Variants in IDUA observed in about 807,000 individuals in gnomAD.
IDUA encodes alpha-L-iduronidase, also known as iduronidase alpha-L-.
IDUA carries 65 observed loss-of-function variants against 68.9 expected under a neutral mutation model. The observed-to-expected ratio is 0.94, with a 90% CI of 0.77 to 1.16. The LOEUF is 1.16. IDUA is among the 50% of genes most tolerant of loss of function. IDUA has a pLI of 0.00. For missense variants in IDUA, 1,046 were observed against 938.0 expected (o/e 1.12, Z -1.50); for synonymous variants, 529 against 433.6 (o/e 1.22, Z -2.73).
chr4:990,906 C>A lies in IDUA; in HGVS notation c.299+2957C>A, dbSNP rs1577518379. The A allele has an allele frequency of 5.8e-5, 31 of 538,240 alleles. No individual in the cohort carries two copies. The East Asian group carries it at 9.5e-4, about 16-fold the overall frequency. 33.3% of individuals were successfully genotyped at this position (538,240 alleles called of 1,614,324 possible). On this transcript the variant is annotated intron_variant, in intron 2 of 13. Coordinates refer to ENST00000514224, the MANE Select transcript of IDUA (RefSeq NM_000203.5). The stretch of plus-strand genomic sequence containing the variant: ...CCCACCAAGGCCATGGCCCACCGGA[C>A]TGGCTCCCCGTGCCCCTCCCCTCCT...
intron 2 of IDUA, 124 bp from the exon 3 acceptor site, chr4:1,000,488 C>T: frequency 1.3e-6 from 1 of 776,410 alleles, no homozygotes; most frequent in South Asian, 1.4e-5. Flanking sequence ...CCTCGGGAAG[C>T]CGGGATCGGA....
chr4:997,076 A>T (rs1408111478), intron 2 of IDUA, among the ~76,000 whole-genome samples: 1 of 152,132 alleles, frequency 6.6e-6, no homozygotes, highest in Non-Finnish European at 1.5e-5. Flanking sequence ...TTACTGGGAA[A>T]GGAGACCTTG....
At chr4:994,034 C>T (rs1433678495) in intron 2 of IDUA, among the ~76,000 whole-genome samples, 1 of 152,238 alleles carries the variant, frequency 6.6e-6, no homozygotes, top group African/African-American at 2.4e-5. Context: ...TCCCCTCTAC[C>T]ACAGACCAGG....
chr4:1,002,062 G>T lies in IDUA; in HGVS notation c.873G>T (p.Ala291=). Residue 291 remains alanine (A), a synonymous_variant, in exon 7 of 14, where the codon GCG becomes GCT. Transcript: ENST00000514224. ...QQIRQLFPKF[A]DTPIYNDEAD... ...TCCGGCAGCTCTTCCCCAAGTTCGCGGACACCCCCATTTACAACGACGAGG... is the reference window on the plus strand; with the variant it reads ...TCCGGCAGCTCTTCCCCAAGTTCGCTGACACCCCCATTTACAACGACGAGG... The T allele has an allele frequency of 6.3e-7, 1 of 1,594,928 alleles. No individual in the cohort carries two copies. Among genetic ancestry groups the T allele is most frequent in the Non-Finnish European group, 8.5e-7 (1 of 1,172,458 alleles).
chr4:1,001,099 G>T lies in IDUA; in HGVS notation c.493+110G>T, dbSNP rs574003574. 3.3e-5 allele frequency: 26 copies of T among 795,260 alleles called. No individual in the cohort carries two copies. The African/African-American group carries it at 3.7e-4, about 11-fold the overall frequency. 49.3% of individuals were successfully genotyped at this position (795,260 alleles called of 1,614,324 possible). ...GGTCAGGAGATACATTGGTGGGCAG[G>T]CGCAGGCCCTTGTGGGGGGATGGGG... is the stretch of plus-strand genomic sequence containing the variant. On this transcript the variant is annotated intron_variant, in intron 4 of 13. Transcript: ENST00000514224.
Position 1,001,698 on chromosome 4 carries a change from T to G in IDUA, c.609T>G (p.Asp203Glu). Reference sequence around the variant, plus strand: ...GCCCAGGCTTCCTGAACTACTACGATGCCTGCTCGGAGGGTCTGCGCGCCG... The same window carrying G: ...GCCCAGGCTTCCTGAACTACTACGAGGCCTGCTCGGAGGGTCTGCGCGCCG... ...MTMQGFLNYYDACSEGLRAAS... is the reference protein window; with the variant it reads ...MTMQGFLNYYEACSEGLRAAS... Residue 203 changes from aspartate to glutamate, a missense_variant, in exon 6 of 14, where the codon GAT becomes GAG. Coordinates refer to ENST00000514224, the MANE Select transcript of IDUA (RefSeq NM_000203.5). The G allele has an allele frequency of 1.2e-6, 2 of 1,600,468 alleles. No homozygotes were observed. Among genetic ancestry groups the G allele is most frequent in the Non-Finnish European group, 1.7e-6 (2 of 1,178,962 alleles).
chr4:998,228 G>C (rs548133495), intron 2 of IDUA, among the ~76,000 whole-genome samples: 3 of 152,274 alleles, frequency 2.0e-5, no homozygotes, highest in Admixed American at 2.0e-4. Flanking sequence ...CAGCAGAGGC[G>C]GGGCGGAGCA....
In IDUA at chr4:1,001,007, C is replaced by T; in HGVS notation, c.493+18C>T. 6.4e-7 allele frequency: 1 copy of T among 1,574,430 alleles called. No homozygotes were observed. The highest frequency in any genetic ancestry group is 8.7e-7 in the Non-Finnish European group (1 of 1,144,884). On this transcript the variant is annotated intron_variant, in intron 4 of 13. Transcript: ENST00000514224. Reference sequence around the variant, plus strand: ...ATACATCGGTGGGCGAGCGCAGGCCCTGGGGCCCTGGCCGGGGCGGGGGTA... The same window carrying T: ...ATACATCGGTGGGCGAGCGCAGGCCTTGGGGCCCTGGCCGGGGCGGGGGTA...
chr4:988,732 C>T (rs550097899), intron 2 of IDUA: 366 of 1,431,938 alleles, frequency 2.6e-4, no homozygotes, highest in Non-Finnish European at 3.1e-4. Context: ...GAGTGCAGCT[C>T]TTGGGTGGCT....
intron 2 of IDUA, among the ~76,000 whole-genome samples, chr4:997,339 C>A (rs1714798530): frequency 6.7e-6 from 1 of 148,808 alleles, no homozygotes; most frequent in Admixed American, 6.7e-5. Flanking sequence ...GCCCCGCACT[C>A]CCACCCCCAC....
In IDUA at chr4:987,115, C is replaced by G. The variant is rs1423609884; in HGVS notation, c.31C>G (p.Leu11Val). Residue 11 changes from leucine (L) to valine (V), a missense_variant, in exon 1 of 14, where the codon CTG becomes GTG. Physicochemically the swap from Leu to Val is conservative, Grantham distance 32 (BLOSUM62 1). Coordinates refer to ENST00000514224, the MANE Select transcript of IDUA (RefSeq NM_000203.5). ...TCCCCTGCGCCCCCGCGCCGCGCTG[C>G]TGGCGCTCCTGGCCTCGCTCCTGGC... MRPLRPRAAL[L>V]ALLASLLAAP... 14 of 1,444,460 alleles carry G rather than the reference C, an allele frequency of 9.7e-6. No homozygotes were observed. The highest frequency in any genetic ancestry group is 1.2e-5 in the Non-Finnish European group (13 of 1,103,146). The allele number at this position is 1,444,460 out of a possible 1,614,324, so 89.5% of individuals were successfully genotyped here.
At chr4:992,016 G>A in intron 2 of IDUA, 1 of 628,772 alleles carries the variant, frequency 1.6e-6, no homozygotes, top group Non-Finnish European at 2.9e-6. Context: ...CGGCGTGGCG[G>A]CACCCTGTCC....
intron 2 of IDUA, chr4:991,723 T>C: frequency 6.5e-7 from 1 of 1,532,918 alleles, no homozygotes; most frequent in Non-Finnish European, 8.7e-7. Flanking sequence ...TCAGGTCCCG[T>C]GGCCGACCTG....
At chr4:990,939 C>T in intron 2 of IDUA, 3 of 604,122 alleles carry the variant, frequency 5.0e-6, no homozygotes, top group Non-Finnish European at 5.5e-6. Flanking sequence ...CCTGCATCCA[C>T]AGCCTCTCCG....
intron 2 of IDUA, among the ~76,000 whole-genome samples, chr4:996,735 C>T (rs1382926253): frequency 6.6e-6 from 1 of 152,194 alleles, no homozygotes; most frequent in Non-Finnish European, 1.5e-5. Flanking sequence ...GTCTCTGCCT[C>T]AGTTTCTCTG....
At chr4:1,001,138 G>T (rs1715047263) in intron 4 of IDUA, 149 bp downstream of exon 4, 2 of 673,746 alleles carry the variant, frequency 3.0e-6, no homozygotes, top group South Asian at 3.5e-5. Context: ...ACAAGGGATA[G>T]GTTGGTGGTC....
intron 3 of IDUA, 52 bp downstream of exon 3, chr4:1,000,749 C>A: frequency 1.3e-6 from 2 of 1,500,072 alleles, no homozygotes; most frequent in East Asian, 2.3e-5. Flanking sequence ...TTGCCCTGCC[C>A]ACCCTCTCCC....
chr4:1,000,612 G>T lies in IDUA; in HGVS notation c.300G>T (p.Arg100Ser), dbSNP rs1340970137. ...THWLLELVTT[R>S]GSTGRGLSYN... is the part of the protein sequence containing the mutation. ...CCTGACGCTGACCGTCCTTCTGCAGGGGGTCCACTGGACGGGGCCTGAGCT... is the reference window on the plus strand; with the variant it reads ...CCTGACGCTGACCGTCCTTCTGCAGTGGGTCCACTGGACGGGGCCTGAGCT... The change falls in exon 3 of 14, where the codon AGG becomes AGT. Residue 100 changes from arginine to serine, a missense_variant and splice_region_variant. Transcript: ENST00000514224. 1 of 1,611,522 alleles carries T rather than the reference G, an allele frequency of 6.2e-7. No individual in the cohort carries two copies. The highest frequency in any genetic ancestry group is 1.3e-5 in the African/African-American group (1 of 74,886).
chr4:987,026 C>T (rs1236905319), upstream of IDUA: 9 of 1,495,768 alleles, frequency 6.0e-6, no homozygotes, highest in African/African-American at 2.8e-5. Context: ...CAGACTCCGA[C>T]CCGGAGGCGG....
Sources: gnomAD v4.1 joint callset for allele counts (sites outside exome capture counted in the v4.1 genomes callset) on GRCh38, gnomAD v4.1.1 for gene constraint, MANE v1.5 for transcripts, NCBI Gene and HGNC (gene_info 2026-07-23, HGNC 2026-07-21) for gene names.